The following SGMS2 variants were observed in gnomAD, a reference collection of about 807,000 sequenced individuals.
The protein encoded by SGMS2 is phosphatidylcholine:ceramide cholinephosphotransferase 2.
In SGMS2, 21 loss-of-function variants were observed where a neutral mutation model predicts 43.8. That is an observed-to-expected ratio of 0.48 (90% CI 0.34 to 0.69). The LOEUF (loss-of-function observed/expected upper bound fraction) is 0.69, where lower values mean the gene tolerates loss of function less well. SGMS2 is among the 30% of genes least tolerant of loss of function. The pLI is 0.01. For synonymous variants in SGMS2, 167 were observed against 160.6 expected (o/e 1.04, Z -0.30); for missense variants, 384 against 443.2 (o/e 0.87, Z 1.20).
intron 1 of SGMS2, among the ~76,000 whole-genome samples, chr4:107,847,569 T>C (rs1726904028): frequency 6.6e-6 from 1 of 152,118 alleles, no homozygotes; most frequent in Non-Finnish European, 1.5e-5. Context: ...CTTTGTTCTT[T>C]TGGCTTAGGA....
chr4:107,843,629 C>G (rs1726645417), intron 1 of SGMS2, among the ~76,000 whole-genome samples: 1 of 152,154 alleles, frequency 6.6e-6, no homozygotes, highest in African/African-American at 2.4e-5. Context: ...GCTCAAAGAT[C>G]TCACATCCTT....
At chr4:107,859,529 G>T (rs1727611512) in intron 2 of SGMS2, among the ~76,000 whole-genome samples, 3 of 152,136 alleles carry the variant, frequency 2.0e-5, no homozygotes, top group Admixed American at 2.0e-4. Flanking sequence ...ACACCATTTT[G>T]ATATCTTTCC....
At chr4:107,851,584 A>G (rs1398747100) in intron 1 of SGMS2, among the ~76,000 whole-genome samples, 2 of 152,210 alleles carry the variant, frequency 1.3e-5, no homozygotes, top group Non-Finnish European at 2.9e-5. Flanking sequence ...TATATTCTAC[A>G]GGATCCTTAC....
intron 2 of SGMS2, among the ~76,000 whole-genome samples, chr4:107,883,516 A>G (rs1458907167): frequency 1.3e-5 from 2 of 152,106 alleles, no homozygotes; most frequent in Non-Finnish European, 2.9e-5. Flanking sequence ...GGGTTTTGCC[A>G]TGTTGGCCAG....
intron 2 of SGMS2, among the ~76,000 whole-genome samples, chr4:107,875,661 A>G (rs1022355486): frequency 2.0e-5 from 3 of 152,176 alleles, no homozygotes; most frequent in African/African-American, 7.2e-5. Context: ...TGAACTTAAA[A>G]GTTAATAAAG....
intron 2 of SGMS2, among the ~76,000 whole-genome samples, chr4:107,892,516 A>G (rs1386204952): frequency 6.6e-6 from 1 of 152,172 alleles, no homozygotes; most frequent in African/African-American, 2.4e-5. Flanking sequence ...TATTTTGCCA[A>G]GGTTGAGGTT....
intron 2 of SGMS2, among the ~76,000 whole-genome samples, chr4:107,866,583 CAAAA>C (rs1159732067): frequency 1.4e-5 from 2 of 142,296 alleles, no homozygotes; most frequent in African/African-American, 5.2e-5. Context: ...AAACCAAAAA[CAAAA>C]AAAAAACAAA....
At chr4:107,856,661 A>G (rs147726383) in intron 1 of SGMS2, among the ~76,000 whole-genome samples, 17 of 152,276 alleles carry the variant, frequency 1.1e-4, no homozygotes, top group Admixed American at 9.2e-4. Context: ...TCCAAGGATA[A>G]GGTGATCTTT....
chr4:107,903,023 A>T (rs1252525079), intron 4 of SGMS2, among the ~76,000 whole-genome samples: 1 of 152,204 alleles, frequency 6.6e-6, no homozygotes, highest in Non-Finnish European at 1.5e-5. Flanking sequence ...TATTAGTAAC[A>T]TATTGAATAA....
At chr4:107,826,644 G>C (rs967599794) in intron 1 of SGMS2, among the ~76,000 whole-genome samples, 2 of 150,132 alleles carry the variant, frequency 1.3e-5, no homozygotes, top group Non-Finnish European at 3.0e-5. Context: ...ACAATAGTCT[G>C]GTTGAAGTGT....
At chr4:107,841,658 T>C (rs1726511951) in intron 1 of SGMS2, among the ~76,000 whole-genome samples, 1 of 152,092 alleles carries the variant, frequency 6.6e-6, no homozygotes, top group South Asian at 2.1e-4. Context: ...TGTAGGTGTA[T>C]ATACTTATGG....
chr4:107,901,234 A>G (rs1251547069), intron 4 of SGMS2, among the ~76,000 whole-genome samples: 1 of 152,202 alleles, frequency 6.6e-6, no homozygotes, highest in Non-Finnish European at 1.5e-5. Flanking sequence ...TTCCTGAAGC[A>G]TAAGCAAGCC....
intron 1 of SGMS2, among the ~76,000 whole-genome samples, chr4:107,839,338 C>A (rs897721761): frequency 5.3e-5 from 8 of 152,010 alleles, no homozygotes; most frequent in Non-Finnish European, 1.2e-4. Flanking sequence ...CTGCTCCACC[C>A]CAACGGTAGT....
At chr4:107,908,222 C>G (rs55712748) in intron 5 of SGMS2, 7 of 181,350 alleles carry the variant, frequency 3.9e-5, no homozygotes, top group African/African-American at 7.1e-5. Context: ...GAAAGTGGCT[C>G]CTTTATGTGA....
chr4:107,855,025 C>G (rs1727344722), intron 1 of SGMS2, among the ~76,000 whole-genome samples: 1 of 152,100 alleles, frequency 6.6e-6, no homozygotes, highest in South Asian at 2.1e-4. Flanking sequence ...TTTTTCCCCT[C>G]TATCTACAAA....
chr4:107,838,058 T>C (rs1315753063), intron 1 of SGMS2, among the ~76,000 whole-genome samples: 1 of 152,064 alleles, frequency 6.6e-6, no homozygotes, highest in Admixed American at 6.6e-5. Flanking sequence ...TATAAAGTTA[T>C]GGGAAGTCTA....
At position 107,913,840 on chromosome 4, in the gene SGMS2, GTTTC is replaced by G. The variant is rs1465213474; in HGVS notation, c.*3291_*3294del. On this transcript the variant is annotated 3_prime_UTR_variant, in exon 7 of 7. Transcript: ENST00000690982. ...TTTTTTACATGACAGAACTCATGCA[GTTTC>G]TTTTTTAGTTGAAAGTTCACATCTT... The G allele has an allele frequency of 6.6e-6, 1 of 152,090 alleles. No individual in the cohort carries two copies. Among genetic ancestry groups the G allele is most frequent in the Non-Finnish European group, 1.5e-5 (1 of 67,994 alleles). 9.4% of individuals were successfully genotyped at this position (152,090 alleles called of 1,614,324 possible).
chr4:107,829,858 G>A (rs1008157891), intron 1 of SGMS2, among the ~76,000 whole-genome samples: 8 of 152,056 alleles, frequency 5.3e-5, no homozygotes, highest in Admixed American at 3.9e-4. Context: ...ACAGGCATGA[G>A]CCACCCTTGT....
At chr4:107,889,677 A>G (rs1425154427) in intron 2 of SGMS2, among the ~76,000 whole-genome samples, 1 of 152,136 alleles carries the variant, frequency 6.6e-6, no homozygotes, top group East Asian at 1.9e-4. Flanking sequence ...TTCCTATCCT[A>G]GATTTTCAAG....
Sources: gnomAD v4.1 joint callset for allele counts (sites outside exome capture counted in the v4.1 genomes callset) on GRCh38, gnomAD v4.1.1 for gene constraint, MANE v1.5 for transcripts, NCBI Gene and HGNC (gene_info 2026-07-23, HGNC 2026-07-21) for gene names.